KIF5C: variants seen among roughly 807,000 people sequenced by gnomAD.
KIF5C encodes the protein kinesin heavy chain isoform 5C.
A neutral mutation model predicts 125.2 loss-of-function variants in KIF5C; 18 were observed. The observed-to-expected ratio is 0.14, with a 90% CI of 0.10 to 0.21. KIF5C has a LOEUF of 0.21. KIF5C is among the 10% of genes least tolerant of loss of function. The pLI is 1.00. For missense variants in KIF5C, 780 were observed against 1,183.8 expected (o/e 0.66, Z 5.01); for synonymous variants, 405 against 434.0 (o/e 0.93, Z 0.83).
intron 12 of KIF5C, among the ~76,000 whole-genome samples, chr2:148,978,009 TCTGA>T (rs1455892714): frequency 1.3e-5 from 2 of 152,192 alleles, no homozygotes; most frequent in Non-Finnish European, 2.9e-5. Flanking sequence ...CTCAATTGAA[TCTGA>T]CTCTGTTTGG....
intron 2 of KIF5C, among the ~76,000 whole-genome samples, chr2:148,923,003 G>C (rs1011406810): frequency 6.6e-6 from 1 of 152,224 alleles, no homozygotes; most frequent in Non-Finnish European, 1.5e-5. Flanking sequence ...GCATTGGCAG[G>C]CTTGCCATCT....
chr2:148,960,169 T>C (rs985250279), intron 10 of KIF5C, among the ~76,000 whole-genome samples: 6 of 152,244 alleles, frequency 3.9e-5, no homozygotes, highest in African/African-American at 1.2e-4. Context: ...GTTACACCAA[T>C]GGTGATAACC....
chr2:148,947,161 T>C, intron 8 of KIF5C, 138 bp downstream of exon 8: 7 of 1,321,698 alleles, frequency 5.3e-6, no homozygotes, highest in African/African-American at 1.5e-5. Flanking sequence ...CAAGGTGTTA[T>C]TACATTTAAC....
intron 3 of KIF5C, 27 bp from the exon 4 acceptor site, chr2:148,937,257 G>T (rs777116777): frequency 1.9e-6 from 3 of 1,562,690 alleles, no homozygotes; most frequent in Non-Finnish European, 2.6e-6. Context: ...TGCTTTAACT[G>T]CCCGTGTTTG....
At chr2:148,933,221 G>A (rs1682216575) in intron 3 of KIF5C, among the ~76,000 whole-genome samples, 1 of 152,016 alleles carries the variant, frequency 6.6e-6, no homozygotes, top group Non-Finnish European at 1.5e-5. Flanking sequence ...TGTCCCTCAA[G>A]CAAGCCATCC....
At chr2:148,939,074 G>T (rs1290504536) in intron 4 of KIF5C, among the ~76,000 whole-genome samples, 1 of 146,052 alleles carries the variant, frequency 6.8e-6, no homozygotes, top group South Asian at 2.2e-4. Context: ...TAGCCTGGGC[G>T]ACAGAGAGAG....
At chr2:148,931,556 A>G (rs560937585) in intron 3 of KIF5C, among the ~76,000 whole-genome samples, 4 of 152,310 alleles carry the variant, frequency 2.6e-5, no homozygotes, top group East Asian at 1.9e-4. Flanking sequence ...TCAGCTACCC[A>G]GGAGGCTGAT....
intron 11 of KIF5C, among the ~76,000 whole-genome samples, chr2:148,964,584 G>A (rs2105134676): frequency 6.6e-6 from 1 of 152,310 alleles, no homozygotes; most frequent in Non-Finnish European, 1.5e-5. Context: ...TGAAAGCACA[G>A]GTGCCAAGAG....
chr2:148,999,040 A>G (rs1280295167), intron 19 of KIF5C, among the ~76,000 whole-genome samples: 3 of 152,162 alleles, frequency 2.0e-5, no homozygotes, highest in Non-Finnish European at 2.9e-5. Flanking sequence ...GTGTCTGTGC[A>G]GGTAGAGGTG....
chr2:148,987,069 A>G (rs138391514), intron 15 of KIF5C, among the ~76,000 whole-genome samples: 2 of 152,310 alleles, frequency 1.3e-5, no homozygotes, highest in East Asian at 3.9e-4. Context: ...GGCCACTCTT[A>G]CAGGTTGGGA....
intron 4 of KIF5C, among the ~76,000 whole-genome samples, chr2:148,939,570 C>G (rs1239591861): frequency 1.3e-5 from 2 of 152,172 alleles, no homozygotes; most frequent in Non-Finnish European, 2.9e-5. Context: ...AAAAACAGCC[C>G]TAGCATGAAG....
chr2:149,022,297 G>C (rs988827469), intron 25 of KIF5C, among the ~76,000 whole-genome samples: 2 of 152,162 alleles, frequency 1.3e-5, no homozygotes, highest in Non-Finnish European at 2.9e-5. Flanking sequence ...TTATGGAAGA[G>C]AATGTTGAGA....
intron 23 of KIF5C, among the ~76,000 whole-genome samples, chr2:149,008,473 T>C (rs1682078013): frequency 6.6e-6 from 1 of 152,108 alleles, no homozygotes; most frequent in Admixed American, 6.5e-5. Context: ...TTTTTACAGA[T>C]GGGGAAACAG....
chr2:148,942,310 CATAA>C (rs1311314681), intron 6 of KIF5C, among the ~76,000 whole-genome samples: 2 of 152,150 alleles, frequency 1.3e-5, no homozygotes, highest in Non-Finnish European at 2.9e-5. Flanking sequence ...TGGCCATGAT[CATAA>C]ATAAATAAAG....
chr2:148,912,173 TG>T (rs1275062696), intron 1 of KIF5C, among the ~76,000 whole-genome samples: 2 of 152,138 alleles, frequency 1.3e-5, no homozygotes, highest in Non-Finnish European at 2.9e-5. Context: ...GTTCAAATGG[TG>T]GAACTTCAAG....
chr2:148,978,476 G>A (rs76632684), intron 12 of KIF5C, among the ~76,000 whole-genome samples: 1,544 of 151,470 alleles, frequency 0.01, 52 homozygotes, highest in East Asian at 0.08. Context: ...TCTCCCTGCC[G>A]ATCTGGTGGC....
chr2:148,987,035 A>C (rs1681397264), intron 15 of KIF5C, among the ~76,000 whole-genome samples: 2 of 152,208 alleles, frequency 1.3e-5, no homozygotes, highest in South Asian at 4.1e-4. Flanking sequence ...TTTATTTTTC[A>C]TAATGGGTTG....
chr2:149,010,721 G>T (rs998188856), intron 24 of KIF5C, among the ~76,000 whole-genome samples: 1 of 152,248 alleles, frequency 6.6e-6, no homozygotes, highest in Admixed American at 6.5e-5. Context: ...TCTGCACCCG[G>T]TGGGAGCATG....
intron 4 of KIF5C, among the ~76,000 whole-genome samples, chr2:148,940,254 G>A (rs1444812447): frequency 6.6e-6 from 1 of 152,196 alleles, no homozygotes; most frequent in African/African-American, 2.4e-5. Flanking sequence ...GTGGCAGCAT[G>A]AAAGATTAGA....
Sources: gnomAD v4.1 joint callset for allele counts (sites outside exome capture counted in the v4.1 genomes callset) on GRCh38, gnomAD v4.1.1 for gene constraint, MANE v1.5 for transcripts, NCBI Gene and HGNC (gene_info 2026-07-23, HGNC 2026-07-21) for gene names.